SLC22A23: variants seen among roughly 807,000 people sequenced by gnomAD.
SLC22A23 encodes solute carrier family 22 member 23.
A neutral mutation model predicts 61.0 loss-of-function variants in SLC22A23; 26 were observed. The ratio of observed to expected loss-of-function variants is 0.43; its 90% CI spans 0.31 to 0.59. SLC22A23 has a LOEUF of 0.59. Among genes scored for constraint, SLC22A23 ranks in the 20% least tolerant of loss-of-function variants. The probability of loss-of-function intolerance (pLI) is 0.11; values close to 1 mark genes in which losing one functional copy is unlikely to be tolerated. For synonymous variants in SLC22A23, 430 were observed against 413.9 expected (o/e 1.04, Z -0.47); for missense variants, 796 against 934.7 (o/e 0.85, Z 1.94).
In SLC22A23 at chr6:3,336,310, C is replaced by T. The variant is rs143682072; in HGVS notation, c.914-12308G>A. 4.4e-3 allele frequency among the ~76,000 whole-genome samples: 665 copies of T among 152,330 alleles called. 3 individuals are homozygous for T. The highest frequency in any genetic ancestry group is 0.01 in the Middle Eastern group (3 of 294). ...CCATGCCACGCCCACATTGTTCTCA[C>T]CTGGACTGCCATAGTCGCCTGTGAC... On this transcript the variant is annotated intron_variant, in intron 3 of 9. Coordinates refer to ENST00000406686, the MANE Select transcript of SLC22A23 (RefSeq NM_015482.2).
chr6:3,305,771 C>T (rs1472348972), intron 4 of SLC22A23, among the ~76,000 whole-genome samples: 1 of 152,048 alleles, frequency 6.6e-6, no homozygotes, highest in Non-Finnish European at 1.5e-5. Context: ...TGTAGACGGC[C>T]AAAAAGCGAC....
At position 3,400,579 on chromosome 6, in the gene SLC22A23, C is replaced by T. The variant is rs550256922; in HGVS notation, c.913+9609G>A. ...CACGTTCATCTGGTCAGCCACCTGCCCAATCTTTCCTAGGTGAGGAAACTG... is the reference window on the plus strand; with the variant it reads ...CACGTTCATCTGGTCAGCCACCTGCTCAATCTTTCCTAGGTGAGGAAACTG... On this transcript the variant is annotated intron_variant, in intron 3 of 9. Transcript: ENST00000406686. Among the ~76,000 whole-genome samples the T allele has an allele frequency of 3.9e-5, 6 of 152,338 alleles. No individual in the cohort carries two copies. In the East Asian group the frequency reaches 9.6e-4, roughly 24 times the overall value.
At chr6:3,280,896 C>T (rs1384391434) in intron 9 of SLC22A23, among the ~76,000 whole-genome samples, 4 of 152,072 alleles carry the variant, frequency 2.6e-5, no homozygotes, top group South Asian at 2.1e-4. Flanking sequence ...AGCATTAGAG[C>T]GGAAGACAGA....
chr6:3,285,266 G>T (rs1388934914), intron 7 of SLC22A23, among the ~76,000 whole-genome samples, 155 bp from the exon 8 acceptor site: 3 of 152,258 alleles, frequency 2.0e-5, no homozygotes, highest in African/African-American at 7.2e-5. Context: ...GCTGGCCGCC[G>T]GGGCAGTGGA....
At chr6:3,352,271 G>GCACACA (rs57754893) in intron 3 of SLC22A23, among the ~76,000 whole-genome samples, 8 of 149,390 alleles carry the variant, frequency 5.4e-5, no homozygotes, top group South Asian at 2.1e-4. Context: ...ACACAGACAT[G>GCACACA]CACACACACA....
At chr6:3,365,525 T>G (rs1020285837) in intron 3 of SLC22A23, among the ~76,000 whole-genome samples, 1 of 152,086 alleles carries the variant, frequency 6.6e-6, no homozygotes, top group African/African-American at 2.4e-5. Flanking sequence ...AGTGCTACCA[T>G]TTAGGTGCTG....
intron 3 of SLC22A23, among the ~76,000 whole-genome samples, chr6:3,406,981 G>T (rs1768883825): frequency 3.3e-5 from 5 of 152,014 alleles, no homozygotes; most frequent in Admixed American, 3.3e-4. Flanking sequence ...AACTAAAACT[G>T]CAAAAATCAT....
intron 1 of SLC22A23, among the ~76,000 whole-genome samples, chr6:3,426,864 G>A (rs1006871970): frequency 6.6e-6 from 1 of 152,232 alleles, no homozygotes; most frequent in Non-Finnish European, 1.5e-5. Context: ...AGGTGTGACT[G>A]CTGCTACAGG....
chr6:3,319,920 G>A lies in SLC22A23; in HGVS notation c.1082+3914C>T, dbSNP rs146408419. Among the ~76,000 whole-genome samples, 140 of 152,276 alleles carry A rather than the reference G, an allele frequency of 9.2e-4. 1 individual carries two copies. Among genetic ancestry groups the A allele is most frequent in the African/African-American group, 3.2e-3 (135 of 41,558 alleles). On this transcript the variant is annotated intron_variant, in intron 4 of 9. Coordinates refer to ENST00000406686, the MANE Select transcript of SLC22A23 (RefSeq NM_015482.2). ...AGACTTCAAGGCTCCAATTTCTTTG[G>A]GTGAATCTTCTTCTGCCCACGGTCC...
intron 3 of SLC22A23, among the ~76,000 whole-genome samples, chr6:3,402,549 CCA>C (rs1768496177): frequency 1.9e-5 from 1 of 53,054 alleles, no homozygotes; most frequent in African/African-American, 1.1e-4. Flanking sequence ...AGGCTGCAGC[CCA>C]CTCCAATCAT....
chr6:3,450,680 G>C (rs74414162), intron 1 of SLC22A23, among the ~76,000 whole-genome samples: 1 of 152,118 alleles, frequency 6.6e-6, no homozygotes, highest in Non-Finnish European at 1.5e-5. Flanking sequence ...AAAATGTTTC[G>C]GAAGAAATGG....
At chr6:3,368,997 G>A (rs1442295445) in intron 3 of SLC22A23, among the ~76,000 whole-genome samples, 1 of 151,918 alleles carries the variant, frequency 6.6e-6, no homozygotes, top group Non-Finnish European at 1.5e-5. Flanking sequence ...GTCTTTCCCA[G>A]AGATGGCTCT....
intron 1 of SLC22A23, among the ~76,000 whole-genome samples, chr6:3,429,949 TG>T (rs1454301943): frequency 6.6e-6 from 1 of 152,128 alleles, no homozygotes; most frequent in Non-Finnish European, 1.5e-5. Flanking sequence ...CTTGGGAAGA[TG>T]AAAAATATCT....
At chr6:3,401,831 G>A (rs1046442859) in intron 3 of SLC22A23, among the ~76,000 whole-genome samples, 1 of 152,130 alleles carries the variant, frequency 6.6e-6, no homozygotes, top group Non-Finnish European at 1.5e-5. Context: ...GGACACGGGG[G>A]CCTTGCTCCT....
chr6:3,290,008 T>C, intron 5 of SLC22A23, 142 bp from the exon 6 acceptor site: 1 of 670,404 alleles, frequency 1.5e-6, no homozygotes, highest in Non-Finnish European at 2.5e-6. Context: ...TTTTTGCCAG[T>C]GGATAGGGTC....
chr6:3,301,542 C>T (rs149218558), intron 4 of SLC22A23, among the ~76,000 whole-genome samples: 53 of 152,242 alleles, frequency 3.5e-4, no homozygotes, highest in African/African-American at 5.5e-4. Flanking sequence ...TTATATCAAA[C>T]GCTTACGGAA....
chr6:3,325,642 A>C (rs1424124956), intron 3 of SLC22A23, among the ~76,000 whole-genome samples: 5 of 152,232 alleles, frequency 3.3e-5, no homozygotes, highest in Non-Finnish European at 7.3e-5. Context: ...CAGGGTCCAG[A>C]TCTGGCATTT....
intron 3 of SLC22A23, among the ~76,000 whole-genome samples, chr6:3,337,441 A>G (rs537070636): frequency 1.4e-5 from 2 of 145,282 alleles, no homozygotes; most frequent in East Asian, 2.0e-4. Context: ...AAGTGTTACA[A>G]TTCCCTTTTT....
chr6:3,292,964 G>A (rs1760744121), intron 5 of SLC22A23, among the ~76,000 whole-genome samples: 1 of 152,200 alleles, frequency 6.6e-6, no homozygotes, highest in Admixed American at 6.5e-5. Context: ...CTGACCCGCT[G>A]GGAGGAGGGC....
Sources: allele counts gnomAD v4.1 joint callset (sites outside exome capture counted in the v4.1 genomes callset), GRCh38; gene constraint gnomAD v4.1.1; transcripts MANE v1.5; gene names NCBI Gene and HGNC (gene_info 2026-07-23, HGNC 2026-07-21).